AAK1: variants seen among roughly 807,000 people sequenced by gnomAD.
AAK1 encodes AP2 associated kinase 1, also known as AP2-associated protein kinase 1.
AAK1 carries 37 observed loss-of-function variants against 116.0 expected under a neutral mutation model. The observed-to-expected ratio is 0.32, with a 90% confidence interval of 0.25 to 0.42. The LOEUF (loss-of-function observed/expected upper bound fraction) is 0.42, where lower values mean the gene tolerates loss of function less well. AAK1 is among the 10% of genes least tolerant of loss of function. The pLI is 1.00. For missense variants in AAK1, 919 were observed against 1,170.6 expected (o/e 0.79, Z 3.14); for synonymous variants, 458 against 439.9 (o/e 1.04, Z -0.51).
At chr2:69,635,837 T>C (rs1039945123) in intron 2 of AAK1, among the ~76,000 whole-genome samples, 2 of 152,188 alleles carry the variant, frequency 1.3e-5, no homozygotes, top group Non-Finnish European at 2.9e-5. Flanking sequence ...TTTTACAAGA[T>C]GAAAAGAGTT....
intron 2 of AAK1, among the ~76,000 whole-genome samples, chr2:69,612,780 A>C (rs1674146225): frequency 6.6e-6 from 1 of 152,210 alleles, no homozygotes; most frequent in South Asian, 2.1e-4. Flanking sequence ...GAGCCAGTTT[A>C]CAGAAAGCAA....
At chr2:69,486,422 A>G (rs1053409985) in intron 17 of AAK1, among the ~76,000 whole-genome samples, 9 of 152,202 alleles carry the variant, frequency 5.9e-5, no homozygotes, top group Non-Finnish European at 1.2e-4. Flanking sequence ...AGCTATTCAC[A>G]TAGATAACTT....
chr2:69,473,664 A>G lies in AAK1; in HGVS notation c.*2205T>C. 1 of 971,740 alleles carries G rather than the reference A, an allele frequency of 1.0e-6. No individual in the cohort carries two copies. Among genetic ancestry groups the G allele is most frequent in the Non-Finnish European group, 1.2e-6 (1 of 817,134 alleles). 60.2% of individuals were successfully genotyped at this position (971,740 alleles called of 1,614,324 possible). ...AACAATTTAGAGATACCTAATTTCTAAACTGTACTCTTCATAGTTTCAATT... is the reference window on the plus strand; with the variant it reads ...AACAATTTAGAGATACCTAATTTCTGAACTGTACTCTTCATAGTTTCAATT... On this transcript the variant is annotated 3_prime_UTR_variant, in exon 22 of 22. Transcript: ENST00000409085.
intron 2 of AAK1, among the ~76,000 whole-genome samples, chr2:69,559,262 TCACACACA>T (rs375580392): frequency 0.012 from 1,563 of 127,258 alleles, 29 homozygotes; most frequent in African/African-American, 0.045. Flanking sequence ...TCTCTCTCTC[TCACACACA>T]CACACACACA....
chr2:69,524,712 C>T (rs1172709888), intron 10 of AAK1, among the ~76,000 whole-genome samples: 3 of 152,172 alleles, frequency 2.0e-5, no homozygotes, highest in Admixed American at 2.0e-4. Flanking sequence ...GGATTATAGA[C>T]GTGAAACACC....
intron 17 of AAK1, among the ~76,000 whole-genome samples, chr2:69,486,288 T>C (rs780010790): frequency 5.9e-5 from 9 of 152,082 alleles, no homozygotes; most frequent in African/African-American, 9.7e-5. Flanking sequence ...TTATAAGTCA[T>C]TAGCAAAAAG....
intron 2 of AAK1, among the ~76,000 whole-genome samples, chr2:69,607,147 G>C (rs1011016030): frequency 6.6e-6 from 1 of 151,972 alleles, no homozygotes; most frequent in Non-Finnish European, 1.5e-5. Context: ...TGGGGGAAGA[G>C]GGTGAAGAAT....
intron 17 of AAK1, 131 bp downstream of exon 17, chr2:69,495,854 A>G: frequency 1.4e-6 from 1 of 699,762 alleles, no homozygotes; most frequent in South Asian, 2.1e-5. Context: ...CAGTAAAAAT[A>G]TACAACAGCA....
intron 16 of AAK1, 132 bp from the exon 17 acceptor site, chr2:69,496,212 G>T: frequency 1.8e-6 from 1 of 556,336 alleles, no homozygotes; most frequent in Non-Finnish European, 3.1e-6. Flanking sequence ...TCTAAGCCTA[G>T]AATAAAAGTG....
At chr2:69,573,203 A>G (rs1672159619) in intron 2 of AAK1, among the ~76,000 whole-genome samples, 1 of 152,168 alleles carries the variant, frequency 6.6e-6, no homozygotes, top group African/African-American at 2.4e-5. Flanking sequence ...GGCCTCAACA[A>G]AGGGTTGAAG....
chr2:69,624,423 T>C (rs1484213354), intron 2 of AAK1, among the ~76,000 whole-genome samples: 1 of 152,240 alleles, frequency 6.6e-6, no homozygotes, highest in Non-Finnish European at 1.5e-5. Flanking sequence ...TGCAATCTAT[T>C]GCTAAGTGAG....
intron 16 of AAK1, among the ~76,000 whole-genome samples, chr2:69,498,101 T>C (rs1675823437): frequency 1.5e-5 from 2 of 130,918 alleles, no homozygotes; most frequent in Admixed American, 1.9e-4. Context: ...CAATGACCCC[T>C]GAATCCCTCC....
chr2:69,537,107 T>C (rs1283680994), intron 5 of AAK1, among the ~76,000 whole-genome samples: 1 of 152,188 alleles, frequency 6.6e-6, no homozygotes, highest in African/African-American at 2.4e-5. Context: ...GTCACAGCCT[T>C]TCTGTGCGGA....
chr2:69,611,705 A>G (rs1016527917), intron 2 of AAK1, among the ~76,000 whole-genome samples: 2 of 152,240 alleles, frequency 1.3e-5, no homozygotes, highest in Non-Finnish European at 2.9e-5. Flanking sequence ...CCATGTTCAC[A>G]GCAACATTTC....
chr2:69,599,993 G>C (rs1005379544), intron 2 of AAK1, among the ~76,000 whole-genome samples: 8 of 150,658 alleles, frequency 5.3e-5, no homozygotes, highest in Admixed American at 4.0e-4. Flanking sequence ...TGTTGTCCAG[G>C]CTGGTCTTGA....
chr2:69,468,785 T>G lies in AAK1; in HGVS notation c.*7084A>C. On this transcript the variant is annotated 3_prime_UTR_variant, in exon 22 of 22. Transcript: ENST00000409085. ...ACTAGGAAGTACCAAGGGGTGTGTG[T>G]ATGTGCCCATATTCAGGGTTGGAGA... 8 of 985,434 alleles carry G rather than the reference T, an allele frequency of 8.1e-6. No homozygotes were observed. The highest frequency in any genetic ancestry group is 9.6e-6 in the Non-Finnish European group (8 of 829,940). The allele number at this position is 985,434 out of a possible 1,614,324, so 61.0% of individuals were successfully genotyped here.
intron 2 of AAK1, among the ~76,000 whole-genome samples, chr2:69,633,064 A>T (rs181836443): frequency 0.014 from 2,172 of 150,242 alleles, 51 homozygotes; most frequent in African/African-American, 0.051. Context: ...TAAAAAAATT[A>T]AAAAAAATTA....
chr2:69,588,083 G>A (rs1672868554), intron 2 of AAK1, among the ~76,000 whole-genome samples: 2 of 152,228 alleles, frequency 1.3e-5, no homozygotes, highest in South Asian at 4.2e-4. Context: ...TCATTTCTAA[G>A]GAGCAAGACT....
In AAK1 at chr2:69,542,514, G is replaced by A. The variant is rs961185380; in HGVS notation, c.534+9C>T. ...TAGAATGCCCGTAATGAAAGAGTGT[G>A]GTCTGTACCTTCAGGTCCCGGTGGA... On this transcript the variant is annotated intron_variant, in intron 5 of 21. Transcript: ENST00000409085. 1.2e-6 allele frequency: 2 copies of A among 1,613,524 alleles called. No homozygotes were observed. The highest frequency in any genetic ancestry group is 1.3e-5 in the African/African-American group (1 of 74,882).
Sources: allele counts gnomAD v4.1 joint callset (sites outside exome capture counted in the v4.1 genomes callset), GRCh38; gene constraint gnomAD v4.1.1; transcripts MANE v1.5; gene names NCBI Gene and HGNC (gene_info 2026-07-23, HGNC 2026-07-21).